The following CPQ variants were observed in gnomAD, a reference collection of about 807,000 sequenced individuals.
The protein encoded by CPQ is carboxypeptidase Q.
In CPQ, 37 loss-of-function variants were observed where a neutral mutation model predicts 45.7. That is an observed-to-expected ratio of 0.81 (90% CI 0.62 to 1.07). The LOEUF is 1.07. Among genes scored for constraint, CPQ ranks in the 50% least tolerant of loss-of-function variants. The pLI, the probability that CPQ is intolerant of heterozygous loss-of-function variation, is 0.00. For missense variants in CPQ, 537 were observed against 572.9 expected, an observed-to-expected ratio of 0.94 and a Z score of 0.64; for synonymous variants, 186 against 205.8, an observed-to-expected ratio of 0.90 and a Z score of 0.82.
chr8:96,681,062 G>T (rs1204725391), intron 1 of CPQ, among the ~76,000 whole-genome samples: 2 of 152,176 alleles, frequency 1.3e-5, no homozygotes, highest in Non-Finnish European at 2.9e-5. Context: ...AAGGGAAACA[G>T]AGCATAAAAG....
At position 96,954,591 on chromosome 8, in the gene CPQ, TA is replaced by T. The variant is rs1351899422; in HGVS notation, c.850-11343del. Among the ~76,000 whole-genome samples the T allele has an allele frequency of 5.3e-4, 81 of 152,202 alleles. 1 individual carries two copies. The highest frequency in any genetic ancestry group is 1.9e-3 in the African/African-American group (79 of 41,552). ...TTTAAAAATTACCTTGTCTTTCTGT[TA>T]TTTTTTTTATTTATTTATTATACTT... On this transcript the variant is annotated intron_variant, in intron 4 of 7. Coordinates refer to ENST00000220763, the MANE Select transcript of CPQ (RefSeq NM_016134.4).
chr8:96,928,146 C>T (rs1364940169), intron 4 of CPQ, among the ~76,000 whole-genome samples: 1 of 152,114 alleles, frequency 6.6e-6, no homozygotes, highest in Non-Finnish European at 1.5e-5. Context: ...ATCTTTTACT[C>T]TCATGAAGCA....
chr8:97,042,792 G>A (rs1462333448), intron 6 of CPQ, among the ~76,000 whole-genome samples: 52 of 151,506 alleles, frequency 3.4e-4, no homozygotes, highest in Non-Finnish European at 5.5e-4. Flanking sequence ...GTAGTTGAGC[G>A]GTTTTGAGTG....
chr8:97,067,725 C>G (rs1810663830), intron 7 of CPQ, among the ~76,000 whole-genome samples: 4 of 152,116 alleles, frequency 2.6e-5, no homozygotes, highest in African/African-American at 9.7e-5. Context: ...TTCCTTTGTT[C>G]TTTGTTCTGT....
intron 1 of CPQ, among the ~76,000 whole-genome samples, chr8:96,732,093 T>C (rs1809920841): frequency 6.6e-6 from 1 of 152,146 alleles, no homozygotes. Flanking sequence ...AATTGAATAA[T>C]ATTGAGTAGA....
intron 4 of CPQ, among the ~76,000 whole-genome samples, chr8:96,916,338 A>G (rs931925140): frequency 3.3e-5 from 5 of 152,174 alleles, no homozygotes; most frequent in South Asian, 2.1e-4. Flanking sequence ...CCAGTATTCA[A>G]TGGGATCATA....
intron 5 of CPQ, among the ~76,000 whole-genome samples, chr8:97,001,850 G>C (rs546387179): frequency 6.7e-6 from 1 of 150,078 alleles, no homozygotes; most frequent in African/African-American, 2.4e-5. Context: ...AATGGTACCA[G>C]CTCTTTGTAC....
chr8:96,823,834 G>A (rs540822316), intron 2 of CPQ, among the ~76,000 whole-genome samples: 17 of 152,024 alleles, frequency 1.1e-4, no homozygotes, highest in South Asian at 4.1e-4. Context: ...ATGCTAGTTC[G>A]TTATTATTAT....
At chr8:97,088,501 C>T (rs1262590374) in intron 7 of CPQ, among the ~76,000 whole-genome samples, 2 of 152,168 alleles carry the variant, frequency 1.3e-5, no homozygotes, top group Non-Finnish European at 2.9e-5. Context: ...CCTAGAATGG[C>T]ATTTTAAAAA....
intron 3 of CPQ, among the ~76,000 whole-genome samples, chr8:96,872,645 C>T (rs1812086615): frequency 6.6e-6 from 1 of 151,774 alleles, no homozygotes; most frequent in African/African-American, 2.4e-5. Context: ...GAAAACTCGA[C>T]TAATGGTGGT....
rs555138129 is a variant in CPQ at position 96,877,297 on chromosome 8, C to G, written c.642-2501C>G. ...TATCTTAAATTAAAATTAGAAGATGCCTTTCAGTGCCGTCTCCTCAGCTGA... is the reference window on the plus strand; with the variant it reads ...TATCTTAAATTAAAATTAGAAGATGGCTTTCAGTGCCGTCTCCTCAGCTGA... On this transcript the variant is annotated intron_variant, in intron 3 of 7. Coordinates refer to ENST00000220763, the MANE Select transcript of CPQ (RefSeq NM_016134.4). 2.0e-5 allele frequency among the ~76,000 whole-genome samples: 3 copies of G among 152,218 alleles called. No individual in the cohort carries two copies. In the East Asian group the frequency reaches 5.8e-4, roughly 29 times the overall value.
At chr8:96,831,891 A>C (rs1049828515) in intron 2 of CPQ, among the ~76,000 whole-genome samples, 1 of 152,172 alleles carries the variant, frequency 6.6e-6, no homozygotes, top group African/African-American at 2.4e-5. Context: ...AAATTAATTG[A>C]AATTAAATGA....
chr8:96,783,412 A>G (rs769138003), intron 1 of CPQ, among the ~76,000 whole-genome samples: 34 of 152,142 alleles, frequency 2.2e-4, no homozygotes, highest in Non-Finnish European at 4.4e-4. Context: ...TTGCCACATC[A>G]TAACATGGCA....
rs528057710 is a variant in CPQ, at chr8:96,860,814, C to G, written c.642-18984C>G. ...AATTCCTTATTCCTTTTTTCCTTTT[C>G]AATGGCTTACCTTTAAACAGCATTA... On this transcript the variant is annotated intron_variant, in intron 3 of 7. Transcript: ENST00000220763. Among the ~76,000 whole-genome samples the G allele has an allele frequency of 2.0e-3, 303 of 152,146 alleles. 2 individuals carry two copies. Among genetic ancestry groups the G allele is most frequent in the African/African-American group, 6.8e-3 (282 of 41,536 alleles).
intron 5 of CPQ, among the ~76,000 whole-genome samples, chr8:96,993,356 T>C (rs923937384): frequency 1.3e-5 from 2 of 152,182 alleles, no homozygotes; most frequent in African/African-American, 4.8e-5. Flanking sequence ...CTTGCTCACT[T>C]TTAGTACAAG....
At chr8:96,931,501 C>T (rs577665562) in intron 4 of CPQ, among the ~76,000 whole-genome samples, 1 of 152,256 alleles carries the variant, frequency 6.6e-6, no homozygotes, top group Non-Finnish European at 1.5e-5. Flanking sequence ...TGCTCACGCT[C>T]CTGGGCCTGA....
intron 1 of CPQ, among the ~76,000 whole-genome samples, chr8:96,738,561 A>T (rs888131844): frequency 3.9e-5 from 6 of 151,958 alleles, no homozygotes; most frequent in African/African-American, 1.5e-4. Context: ...CTGCACCCAC[A>T]AACTTGTCAT....
chr8:96,785,579 T>A (rs1810757532), intron 2 of CPQ, among the ~76,000 whole-genome samples: 1 of 152,182 alleles, frequency 6.6e-6, no homozygotes, highest in African/African-American at 2.4e-5. Flanking sequence ...TTACCAGCCC[T>A]ATCACTTTGT....
intron 4 of CPQ, among the ~76,000 whole-genome samples, chr8:96,960,421 C>T (rs539532988): frequency 6.6e-6 from 1 of 152,288 alleles, no homozygotes; most frequent in Non-Finnish European, 1.5e-5. Context: ...TGGTTGAACT[C>T]ACTTGTAAAA....
Sources: gnomAD v4.1 joint callset for allele counts (sites outside exome capture counted in the v4.1 genomes callset) on GRCh38, gnomAD v4.1.1 for gene constraint, MANE v1.5 for transcripts, NCBI Gene and HGNC (gene_info 2026-07-23, HGNC 2026-07-21) for gene names.